RIPOR2: variants seen among roughly 807,000 people sequenced by gnomAD.
RIPOR2 encodes rho family-interacting cell polarization regulator 2.
A neutral mutation model predicts 114.5 loss-of-function variants in RIPOR2; 39 were observed. The observed-to-expected ratio is 0.34, with a 90% CI of 0.26 to 0.44. The LOEUF (loss-of-function observed/expected upper bound fraction) is 0.44. Ranked by LOEUF, RIPOR2 falls within the 20% of genes least tolerant of loss-of-function variation. The pLI is 1.00. For missense variants in RIPOR2, 1,007 were observed against 1,255.1 expected, an observed-to-expected ratio of 0.80 and a Z score of 2.99; for synonymous variants, 445 against 484.4, an observed-to-expected ratio of 0.92 and a Z score of 1.07.
At chr6:24,852,445 G>T in intron 9 of RIPOR2, 130 bp downstream of exon 9, 1 of 732,810 alleles carries the variant, frequency 1.4e-6, no homozygotes, top group Non-Finnish European at 2.3e-6. Context: ...TTTCTCATTG[G>T]CTTAAAATGT....
At chr6:24,922,266 T>C (rs1013318269) in intron 1 of RIPOR2, among the ~76,000 whole-genome samples, 1 of 152,220 alleles carries the variant, frequency 6.6e-6, no homozygotes, top group Non-Finnish European at 1.5e-5. Flanking sequence ...AATCTCAAAG[T>C]ATTTTTGCAG....
At chr6:24,915,855 A>C (rs913865377) in intron 1 of RIPOR2, among the ~76,000 whole-genome samples, 10 of 152,118 alleles carry the variant, frequency 6.6e-5, no homozygotes, top group Non-Finnish European at 1.2e-4. Flanking sequence ...CCAAATAGGC[A>C]TCCAGCTCCC....
At chr6:24,857,423 G>A (rs1038479779) in intron 8 of RIPOR2, among the ~76,000 whole-genome samples, 15 of 152,090 alleles carry the variant, frequency 9.9e-5, no homozygotes, top group Admixed American at 7.2e-4. Flanking sequence ...GATGTTTCAC[G>A]GCGCTCACAT....
At chr6:24,882,485 G>T (rs1258444529) in intron 1 of RIPOR2, among the ~76,000 whole-genome samples, 1 of 152,156 alleles carries the variant, frequency 6.6e-6, no homozygotes, top group African/African-American at 2.4e-5. Flanking sequence ...AATATTTATT[G>T]TTAGAGTTAA....
intron 1 of RIPOR2, among the ~76,000 whole-genome samples, chr6:24,918,049 C>T (rs1023941299): frequency 6.6e-6 from 1 of 152,234 alleles, no homozygotes; most frequent in Non-Finnish European, 1.5e-5. Context: ...TCCTGGAGGG[C>T]TCACCTGTAG....
intron 9 of RIPOR2, among the ~76,000 whole-genome samples, chr6:24,851,389 C>T (rs1309612188): frequency 6.6e-6 from 1 of 152,174 alleles, no homozygotes; most frequent in Non-Finnish European, 1.5e-5. Context: ...AGCTAAAACC[C>T]CCTTAGCAGT....
Position 24,852,580 on chromosome 6 carries a change from A to G in RIPOR2, c.754T>C (p.Tyr252His), listed in dbSNP as rs753428564. The change falls in exon 9 of 22, where the codon TAT becomes CAT. Residue 252 changes from tyrosine to histidine, a missense_variant. Tyr to His is a moderately conservative substitution (Grantham distance 83, BLOSUM62 2). Coordinates refer to ENST00000643898, the MANE Select transcript of RIPOR2 (RefSeq NM_001286445.3). The stretch of plus-strand genomic sequence containing the variant: ...TAGACCAAGACAATACTTACTTCAT[A>G]TTGATCTCCAGGACAGAGGCGTGCA... ...GFARLCPGDQ[Y>H]EIFMKYGRQR... 15 of 1,610,278 alleles carry G rather than the reference A, an allele frequency of 9.3e-6. No individual in the cohort carries two copies. The highest frequency in any genetic ancestry group is 1.3e-5 in the Non-Finnish European group (15 of 1,178,190).
chr6:24,906,673 G>A (rs1171957550), intron 1 of RIPOR2, among the ~76,000 whole-genome samples: 4 of 152,136 alleles, frequency 2.6e-5, no homozygotes, highest in Non-Finnish European at 5.9e-5. Context: ...GTCTCACTCT[G>A]TCACCTAGGC....
chr6:24,947,774 G>A (rs1286559308), intron 1 of RIPOR2: 2 of 151,948 alleles, frequency 1.3e-5, no homozygotes, highest in Non-Finnish European at 2.9e-5. Context: ...GAAGGAAGGA[G>A]CAGTGAAGGA....
intron 1 of RIPOR2, among the ~76,000 whole-genome samples, chr6:24,920,428 T>C (rs2114104009): frequency 6.6e-6 from 1 of 152,286 alleles, no homozygotes; most frequent in South Asian, 2.1e-4. Context: ...AGCTCTCAAC[T>C]TCAAATATTC....
rs185703598 is a variant in RIPOR2 at position 24,828,704 on chromosome 6, A to C, written c.2507-409T>G. Among the ~76,000 whole-genome samples the C allele has an allele frequency of 5.4e-3, 816 of 151,972 alleles. 3 individuals carry two copies. Among genetic ancestry groups the C allele is most frequent in the Non-Finnish European group, 8.5e-3 (581 of 67,962 alleles). Reference sequence around the variant, plus strand: ...CCCTTCCCTTATATATAAAATATATAATGAATAAATATTATATATGTGTGT... The same window carrying C: ...CCCTTCCCTTATATATAAAATATATCATGAATAAATATTATATATGTGTGT... On this transcript the variant is annotated intron_variant, in intron 17 of 21. Transcript: ENST00000643898.
chr6:24,957,403 C>A (rs1022245046), intron 1 of RIPOR2, among the ~76,000 whole-genome samples: 6 of 152,280 alleles, frequency 3.9e-5, no homozygotes, highest in African/African-American at 1.4e-4. Flanking sequence ...TCCAAAGTTA[C>A]ATAGCTGGTA....
At chr6:24,988,745 A>G (rs1362688344) in intron 1 of RIPOR2, among the ~76,000 whole-genome samples, 3 of 152,012 alleles carry the variant, frequency 2.0e-5, no homozygotes, top group African/African-American at 7.3e-5. Context: ...TGTCCTTGCC[A>G]TGTTTATGTT....
In RIPOR2 at chr6:24,976,451, C is replaced by G. The variant is rs146409975; in HGVS notation, c.76+65400G>C. ...ACCCCACCATGTTCTTCGACATTGC[C>G]GTCGACGGTGAGCCCTTGGGCCGCA... On this transcript the variant is annotated intron_variant, in intron 1 of 13. Transcript: ENST00000510784. 2,820 of 1,567,322 alleles carry G rather than the reference C, an allele frequency of 1.8e-3. 20 individuals carry two copies. The East Asian group carries it at 0.021, about 12-fold the overall frequency.
At chr6:24,927,848 C>T (rs1043901919) in intron 1 of RIPOR2, among the ~76,000 whole-genome samples, 2 of 152,140 alleles carry the variant, frequency 1.3e-5, no homozygotes, top group African/African-American at 2.4e-5. Flanking sequence ...CATTCCACAG[C>T]ATATATGTTA....
At chr6:24,943,811 A>C (rs71555172) in intron 1 of RIPOR2, among the ~76,000 whole-genome samples, 4,136 of 152,100 alleles carry the variant, frequency 0.027, 82 homozygotes, top group East Asian at 0.11. Flanking sequence ...ATTCCCCCCA[A>C]AGTCCCATTC....
intron 1 of RIPOR2, among the ~76,000 whole-genome samples, chr6:25,018,563 T>C (rs1441923123): frequency 6.6e-6 from 1 of 152,182 alleles, no homozygotes; most frequent in Non-Finnish European, 1.5e-5. Context: ...ATTTATTTAT[T>C]AAAAAAATTT....
chr6:24,826,604 T>C (rs1760212494), intron 18 of RIPOR2, among the ~76,000 whole-genome samples: 1 of 152,096 alleles, frequency 6.6e-6, no homozygotes, highest in South Asian at 2.1e-4. Flanking sequence ...GCATTATGGA[T>C]TATAACATCT....
chr6:24,928,252 C>T (rs543769402), intron 1 of RIPOR2, among the ~76,000 whole-genome samples: 17 of 152,208 alleles, frequency 1.1e-4, no homozygotes, highest in Admixed American at 3.9e-4. Flanking sequence ...ATTTTAGTCA[C>T]GTAATTTATC....
Sources: allele counts gnomAD v4.1 joint callset (sites outside exome capture counted in the v4.1 genomes callset), GRCh38; gene constraint gnomAD v4.1.1; transcripts MANE v1.5; gene names NCBI Gene and HGNC (gene_info 2026-07-23, HGNC 2026-07-21).